The following FHL1 variants were observed in gnomAD, a reference collection of about 807,000 sequenced individuals.
FHL1 encodes the protein four and a half LIM domains 1, also known as four and a half LIM domains protein 1.
In FHL1, 1 loss-of-function variant was observed where a neutral mutation model predicts 20.3. The ratio of observed to expected loss-of-function variants is 0.05; its 90% CI spans 0.02 to 0.23. The LOEUF is 0.23. Ranked by LOEUF, FHL1 falls within the 10% of genes least tolerant of loss-of-function variation. The pLI is 1.00. For missense variants in FHL1, 177 were observed against 234.0 expected, an observed-to-expected ratio of 0.76 and a Z score of 1.59; for synonymous variants, 82 against 88.9, an observed-to-expected ratio of 0.92 and a Z score of 0.44.
intron 1 of FHL1, among the ~76,000 whole-genome samples, chrX:136,199,160 T>A (rs2073637305): frequency 9.0e-6 from 1 of 111,588 alleles, no homozygotes; most frequent in Admixed American, 9.5e-5. Context: ...GCACGTAATC[T>A]GTGCAACATT....
intron 2 of FHL1, among the ~76,000 whole-genome samples, chrX:136,176,952 C>T (rs1448373132): frequency 2.8e-5 from 3 of 106,778 alleles, no homozygotes; most frequent in Non-Finnish European, 5.8e-5. Flanking sequence ...TTGATTCTTA[C>T]ACAGTCTTCA....
chrX:136,207,994 T>TG (rs2073894165), intron 4 of FHL1, 33 bp downstream of exon 4: 5 of 1,206,389 alleles, frequency 4.1e-6, no homozygotes, highest in Non-Finnish European at 5.6e-6. Flanking sequence ...CATTGACCGT[T>TG]GTTTCTAGAA....
At chrX:136,208,996 C>T (rs1470287626) in intron 5 of FHL1, among the ~76,000 whole-genome samples, 1 of 107,048 alleles carries the variant, frequency 9.3e-6, no homozygotes, top group Admixed American at 9.9e-5. Flanking sequence ...TAAGGGAGGC[C>T]GAAGAGTGAT....
At chrX:136,200,800 C>T (rs1209022069) in intron 1 of FHL1, among the ~76,000 whole-genome samples, 1 of 111,916 alleles carries the variant, frequency 8.9e-6, no homozygotes, top group East Asian at 2.8e-4. Flanking sequence ...CTTGCCTCCT[C>T]AAGGAAGAAC....
intron 1 of FHL1, among the ~76,000 whole-genome samples, chrX:136,201,802 C>T (rs1400646604): frequency 9.1e-6 from 1 of 109,424 alleles, no homozygotes; most frequent in Non-Finnish European, 1.9e-5. Context: ...AAGAGCTGCC[C>T]GAGGGCAAAC....
At chrX:136,194,095 A>G (rs2073497261), upstream of FHL1, among the ~76,000 whole-genome samples, 1 of 111,144 alleles carries the variant, frequency 9.0e-6, no homozygotes, top group Non-Finnish European at 1.9e-5. Flanking sequence ...GACCAGGTCA[A>G]ATGCCGTGAC....
chrX:136,152,808 G>T (rs1490384891), intron 1 of FHL1, among the ~76,000 whole-genome samples: 1 of 109,866 alleles, frequency 9.1e-6, no homozygotes, highest in East Asian at 2.9e-4. Flanking sequence ...GAGATGAATT[G>T]CTATACCTTC....
rs777909572 is a variant in FHL1, at chrX:136,207,713, G to A, written c.380-79G>A. On this transcript the variant is annotated intron_variant, in intron 3 of 5. Transcript: ENST00000370683. ...GGCCTGCATCCCCTCACCTCTGGAGGGCCTGGGGAGGGGAGCTGAGTGGAT... is the reference window on the plus strand; with the variant it reads ...GGCCTGCATCCCCTCACCTCTGGAGAGCCTGGGGAGGGGAGCTGAGTGGAT... 3.7e-6 allele frequency: 4 copies of A among 1,077,051 alleles called. No individual in the cohort carries two copies. The East Asian group carries it at 9.1e-5, about 25-fold the overall frequency. 88.8% of individuals were successfully genotyped at this position (1,077,051 alleles called of 1,213,427 possible). A position where few individuals can be genotyped will look rare whatever the true frequency, so the allele number is the denominator to read the frequency against.
upstream of FHL1, chrX:136,146,951 C>T (rs1160429091): frequency 3.0e-6 from 1 of 328,266 alleles, no homozygotes; most frequent in South Asian, 2.6e-5. Context: ...CACCGGGTTC[C>T]GAAGTCGGAG....
Position 136,209,948 on chromosome X carries a change from T to C in FHL1, c.814T>C (p.Ser272Pro), listed in dbSNP as rs2073964922. The C allele has an allele frequency of 2.5e-6, 3 of 1,211,409 alleles. No homozygotes were observed. Among genetic ancestry groups the C allele is most frequent in the Non-Finnish European group, 3.4e-6 (3 of 895,454 alleles). Residue 272 changes from serine (S) to proline (P), a missense_variant, in exon 6 of 6, where the codon TCC becomes CCC. Physicochemically the swap from Ser to Pro is moderately conservative, Grantham distance 74 (BLOSUM62 -1). Coordinates refer to ENST00000370683, the MANE Select transcript of FHL1 (RefSeq NM_001159699.2). The part of the protein sequence containing the change: ...HDYCFHCKKC[S>P]VNLANKRFVF... ...CTACTGCTTCCACTGCAAAAAATGC[T>C]CCGTGAATCTGGCCAACAAGCGCTT... is the stretch of plus-strand genomic sequence containing the variant.
chrX:136,191,861 G>A (rs184517659), intron 2 of FHL1, among the ~76,000 whole-genome samples: 16 of 111,708 alleles, frequency 1.4e-4, no homozygotes, highest in African/African-American at 4.9e-4. Flanking sequence ...TAGGGTCATG[G>A]AATGTTTAGC....
chrX:136,183,124 CAAAA>C (rs55708453), intron 2 of FHL1, among the ~76,000 whole-genome samples: 18 of 103,046 alleles, frequency 1.7e-4, no homozygotes, highest in African/African-American at 4.6e-4. Context: ...AACAAACAAA[CAAAA>C]AAAAAACAGA....
chrX:136,177,168 A>G (rs763701173), intron 2 of FHL1, among the ~76,000 whole-genome samples: 1 of 112,077 alleles, frequency 8.9e-6, no homozygotes, highest in East Asian at 2.8e-4. Flanking sequence ...CATTGACTGG[A>G]CATTATGTTT....
At chrX:136,175,882 T>A (rs989095439) in intron 2 of FHL1, among the ~76,000 whole-genome samples, 8 of 112,567 alleles carry the variant, frequency 7.1e-5, no homozygotes, top group Non-Finnish European at 1.3e-4. Context: ...TTGCTATTAC[T>A]TAGATGTTGA....
intron 5 of FHL1, chrX:136,209,088 G>C: frequency 2.1e-6 from 1 of 484,329 alleles, no homozygotes. Flanking sequence ...TTGGTTTGCT[G>C]TTTATTTGTT....
At chrX:136,187,568 T>A (rs1385665703) in intron 2 of FHL1, among the ~76,000 whole-genome samples, 1 of 112,045 alleles carries the variant, frequency 8.9e-6, no homozygotes, top group African/African-American at 3.2e-5. Context: ...GCATATTGTG[T>A]GATTCCATTT....
intron 2 of FHL1, among the ~76,000 whole-genome samples, chrX:136,188,106 A>G (rs930072463): frequency 5.3e-5 from 6 of 112,571 alleles, no homozygotes; most frequent in Non-Finnish European, 7.5e-5. Flanking sequence ...TATTTTACAT[A>G]TTATCTCTAT....
rs1603274412 is a variant in FHL1 at position 136,211,003 on chromosome X, G to A, written c.*978G>A. The A allele has an allele frequency of 5.3e-6, 2 of 374,555 alleles. No homozygotes were observed. The highest frequency in any genetic ancestry group is 2.5e-5 in the African/African-American group (1 of 39,780). The allele number at this position is 374,555 out of a possible 1,213,427, so 30.9% of individuals were successfully genotyped here. On this transcript the variant is annotated 3_prime_UTR_variant, in exon 6 of 6. Coordinates refer to ENST00000370683, the MANE Select transcript of FHL1 (RefSeq NM_001159699.2). ...AACATGGATATGACATTTCACAACA[G>A]TGACTAGTTGAATCCCTTGTAACGT...
chrX:136,206,051 G>A, intron 1 of FHL1: 1 of 324,346 alleles, frequency 3.1e-6, no homozygotes, highest in Non-Finnish European at 5.6e-6. Flanking sequence ...ATACCTCCCA[G>A]CATCCTGTCC....
Sources: allele counts gnomAD v4.1 joint callset (sites outside exome capture counted in the v4.1 genomes callset), GRCh38; gene constraint gnomAD v4.1.1; transcripts MANE v1.5; gene names NCBI Gene and HGNC (gene_info 2026-07-23, HGNC 2026-07-21).